The following CDKL3 variants were observed in gnomAD, a reference collection of about 807,000 sequenced individuals.
CDKL3 encodes the protein cyclin-dependent kinase-like 3.
In CDKL3, 65 loss-of-function variants were observed where a neutral mutation model predicts 69.3. The observed-to-expected ratio is 0.94, with a 90% CI of 0.77 to 1.15. The LOEUF is 1.15. Among genes scored for constraint, CDKL3 ranks in the 50% most tolerant of loss-of-function variants. The probability of loss-of-function intolerance (pLI) is 0.00; values close to 1 mark genes in which losing one functional copy is unlikely to be tolerated. For synonymous variants in CDKL3, 202 were observed against 221.6 expected (o/e 0.91, Z 0.79); for missense variants, 652 against 689.2 (o/e 0.95, Z 0.61).
At position 134,367,071 on chromosome 5, in the gene CDKL3, T is replaced by C. The variant is rs1464873138; in HGVS notation, c.-116A>G. 3 of 986,688 alleles carry C rather than the reference T, an allele frequency of 3.0e-6. No individual in the cohort carries two copies. Among genetic ancestry groups the C allele is most frequent in the East Asian group, 1.1e-4 (1 of 8,860 alleles). 61.1% of individuals were successfully genotyped at this position (986,688 alleles called of 1,614,324 possible). A position where few individuals can be genotyped will look rare whatever the true frequency, so the allele number is the denominator to read the frequency against. On this transcript the variant is annotated 5_prime_UTR_variant, in exon 1 of 13. Transcript: ENST00000265334. Reference sequence around the variant, plus strand: ...GTCCCGCTGGTCTGGCTCTGCGTAGTTCCAGTGGAGCCACCGAACACTGAT... The same window carrying C: ...GTCCCGCTGGTCTGGCTCTGCGTAGCTCCAGTGGAGCCACCGAACACTGAT...
chr5:134,300,672 T>C (rs967922726), intron 12 of CDKL3, among the ~76,000 whole-genome samples: 2 of 152,214 alleles, frequency 1.3e-5, no homozygotes, highest in Admixed American at 1.3e-4. Context: ...TCTGGAGTTC[T>C]ATATCATATG....
Position 134,359,663 on chromosome 5 carries a change from G to C in CDKL3, c.360+234C>G, listed in dbSNP as rs80343093. Among the ~76,000 whole-genome samples the C allele has an allele frequency of 4.9e-3, 751 of 152,174 alleles. 2 individuals are homozygous for C. The highest frequency in any genetic ancestry group is 0.017 in the African/African-American group (720 of 41,512). ...TCTACTAAACAAAATTACTGATACT[G>C]CCTTTACCATCCCATACTTGGTCTG... is the stretch of plus-strand genomic sequence containing the variant. On this transcript the variant is annotated intron_variant, in intron 3 of 12. Transcript: ENST00000265334.
chr5:134,314,183 C>T (rs578124566), intron 6 of CDKL3, among the ~76,000 whole-genome samples: 1 of 152,110 alleles, frequency 6.6e-6, no homozygotes, highest in East Asian at 1.9e-4. Context: ...ATTAAAAAAA[C>T]CCTGCAACTA....
At chr5:134,306,832 G>A (rs533719395) in intron 9 of CDKL3, 130 bp from the exon 10 acceptor site, 2 of 527,918 alleles carry the variant, frequency 3.8e-6, no homozygotes, top group Admixed American at 5.0e-5. Context: ...TTGGCTCACT[G>A]CAACCTCTGT....
At chr5:134,347,887 A>G (rs1752336845) in intron 4 of CDKL3, among the ~76,000 whole-genome samples, 1 of 152,092 alleles carries the variant, frequency 6.6e-6, no homozygotes, top group South Asian at 2.1e-4. Flanking sequence ...GGAAACGGAG[A>G]GTTACAGTGG....
chr5:134,296,655 A>G (rs1765364209), downstream of CDKL3, among the ~76,000 whole-genome samples: 2 of 152,258 alleles, frequency 1.3e-5, no homozygotes, highest in Admixed American at 6.5e-5. Flanking sequence ...TTATCAGGAA[A>G]GAATGTTTGC....
Position 134,298,474 on chromosome 5 carries a change from C to A in CDKL3, c.*177G>T. The A allele has an allele frequency of 7.2e-7, 1 of 1,381,672 alleles. No individual in the cohort carries two copies. Among genetic ancestry groups the A allele is most frequent in the Non-Finnish European group, 9.3e-7 (1 of 1,072,686 alleles). The allele number at this position is 1,381,672 out of a possible 1,614,324, so 85.6% of individuals were successfully genotyped here. A position where few individuals can be genotyped will look rare whatever the true frequency, so the allele number is the denominator to read the frequency against. On this transcript the variant is annotated 3_prime_UTR_variant, in exon 13 of 13. Transcript: ENST00000265334. ...ATTCCAAATCAAATTATCACATCAA[C>A]AGAGTCTTAAAAGGGAAAAGAAAAC...
At chr5:134,308,531 A>G in intron 8 of CDKL3, 43 bp downstream of exon 8, 1 of 1,553,604 alleles carries the variant, frequency 6.4e-7, no homozygotes, top group Non-Finnish European at 8.7e-7. Flanking sequence ...GAGTCTAACT[A>G]TAATATAATT....
At chr5:134,298,858 G>T (rs1228217846) in intron 12 of CDKL3, 148 bp from the exon 13 acceptor site, 19 of 1,063,594 alleles carry the variant, frequency 1.8e-5, no homozygotes, top group Non-Finnish European at 2.4e-5. Context: ...TCAATGCCTT[G>T]CTCAACTTCC....
chr5:134,308,718 T>C lies in CDKL3; in HGVS notation c.891A>G (p.Pro297=), dbSNP rs200671028. 5,237 of 1,588,828 alleles carry C rather than the reference T, an allele frequency of 3.3e-3. 32 individuals carry two copies. The highest frequency in any genetic ancestry group is 3.4e-3 in the Non-Finnish European group (4,000 of 1,173,546). Residue 297 remains proline, a synonymous_variant, in exon 8 of 13, where the codon CCA becomes CCG. Transcript: ENST00000265334. Reference sequence around the variant, plus strand: ...CCTGCAGTAATTTAGCTTTCAGTTCTGGCATGAATCTGACAAAACAAGCAA... The same window carrying C: ...CCTGCAGTAATTTAGCTTTCAGTTCCGGCATGAATCTGACAAAACAAGCAA... ...TRDGFIEKFM[P]ELKAKLLQEA...
chr5:134,313,128 TGTAAGGCTGATGAA>T (rs1442202041), intron 6 of CDKL3, among the ~76,000 whole-genome samples: 2 of 152,198 alleles, frequency 1.3e-5, no homozygotes, highest in Non-Finnish European at 2.9e-5. Context: ...CTTGTTATGT[TGTAAGGCTGATGAA>T]CTCTTGAGTT....
chr5:134,307,901 T>A (rs550033694), intron 9 of CDKL3: 13 of 523,662 alleles, frequency 2.5e-5, no homozygotes, highest in Admixed American at 8.1e-5. Context: ...TCTTTTTTTT[T>A]AATAAGGTTT....
At chr5:134,296,782 T>TACACACACACACACACAC (rs36097045), downstream of CDKL3, among the ~76,000 whole-genome samples, 3 of 141,504 alleles carry the variant, frequency 2.1e-5, no homozygotes, top group African/African-American at 7.9e-5. Flanking sequence ...ACCCTGTCTC[T>TACACACACACACACACAC]ACACACACAC....
intron 11 of CDKL3, 34 bp from the exon 12 acceptor site, chr5:134,302,721 G>T (rs1482374887): frequency 1.8e-6 from 2 of 1,101,446 alleles, no homozygotes; most frequent in South Asian, 1.5e-5. Context: ...ATGAAAATTT[G>T]TTATTCCTAC....
At chr5:134,308,529 CTATAA>C (rs749665783) in intron 8 of CDKL3, 40 bp downstream of exon 8, 6 of 1,553,720 alleles carry the variant, frequency 3.9e-6, no homozygotes, top group Non-Finnish European at 5.2e-6. Flanking sequence ...TAGAGTCTAA[CTATAA>C]TATAATTATA....
intron 3 of CDKL3, among the ~76,000 whole-genome samples, chr5:134,350,685 A>G (rs1753024572): frequency 6.6e-6 from 1 of 152,108 alleles, no homozygotes; most frequent in South Asian, 2.1e-4. Context: ...GAAAAACCAA[A>G]AGAACTTAAT....
chr5:134,361,675 G>A (rs922906883), intron 2 of CDKL3, among the ~76,000 whole-genome samples: 6 of 151,950 alleles, frequency 3.9e-5, no homozygotes, highest in Non-Finnish European at 8.8e-5. Flanking sequence ...AGGCTGAGGC[G>A]GGCAAATCAC....
downstream of CDKL3, among the ~76,000 whole-genome samples, chr5:134,297,938 G>GTA (rs1476470746): frequency 5.1e-3 from 717 of 139,754 alleles, 8 homozygotes; most frequent in Non-Finnish European, 7.7e-3. Context: ...GTGTGTGTGT[G>GTA]TGTGTGTGTT....
chr5:134,333,174 A>T (rs138145472), intron 4 of CDKL3, among the ~76,000 whole-genome samples: 2,701 of 152,322 alleles, frequency 0.018, 94 homozygotes, highest in African/African-American at 0.062. Flanking sequence ...TTGTATCCTG[A>T]GACTTTGCTG....
Sources: allele counts gnomAD v4.1 joint callset (sites outside exome capture counted in the v4.1 genomes callset), GRCh38; gene constraint gnomAD v4.1.1; transcripts MANE v1.5; gene names NCBI Gene and HGNC (gene_info 2026-07-23, HGNC 2026-07-21).